Variants in CCAR1 observed in about 807,000 individuals in gnomAD.
CCAR1 encodes the protein cell division cycle and apoptosis regulator 1.
In CCAR1, 78 loss-of-function variants were observed where a neutral mutation model predicts 163.8. The ratio of observed to expected loss-of-function variants is 0.48; its 90% CI spans 0.40 to 0.57. The LOEUF (loss-of-function observed/expected upper bound fraction) is 0.57, where lower values mean the gene tolerates loss of function less well. CCAR1 is among the 20% of genes least tolerant of loss of function. The pLI is 0.00. For synonymous variants in CCAR1, 443 were observed against 460.7 expected, an observed-to-expected ratio of 0.96 and a Z score of 0.49; for missense variants, 1,019 against 1,365.2, an observed-to-expected ratio of 0.75 and a Z score of 4.00.
rs147882390 is a variant in CCAR1 at position 68,739,600 on chromosome 10, T to A, written c.292-1029T>A. Among the ~76,000 whole-genome samples the A allele has an allele frequency of 3.2e-3, 486 of 152,314 alleles. 2 individuals carry two copies. The highest frequency in any genetic ancestry group is 5.5e-3 in the Non-Finnish European group (373 of 68,028). On this transcript the variant is annotated intron_variant, in intron 4 of 24. Coordinates refer to ENST00000265872, the MANE Select transcript of CCAR1 (RefSeq NM_018237.4). ...ACCTCAGTATTTCACTAGTAATTGC[T>A]TTAAACTTCTTAAAAACTGACAAGA...
At chr10:68,745,584 C>T (rs1279523167) in intron 6 of CCAR1, among the ~76,000 whole-genome samples, 2 of 151,960 alleles carry the variant, frequency 1.3e-5, no homozygotes, top group African/African-American at 4.8e-5. Context: ...CTGCCTCAGC[C>T]TCCTGAGTAG....
chr10:68,742,589 G>C lies in CCAR1; in HGVS notation c.518+20G>C. On this transcript the variant is annotated intron_variant, in intron 6 of 24. Coordinates refer to ENST00000265872, the MANE Select transcript of CCAR1 (RefSeq NM_018237.4). ...GCTTAGGTAAACTTAATGAGGTCTT[G>C]TCACATGGCTTCTTGCATTTACCAC... The C allele has an allele frequency of 1.3e-6, 2 of 1,574,010 alleles. No homozygotes were observed. The highest frequency in any genetic ancestry group is 1.7e-6 in the Non-Finnish European group (2 of 1,145,676).
chr10:68,778,734 G>A (rs1388428662), intron 19 of CCAR1, among the ~76,000 whole-genome samples: 1 of 152,166 alleles, frequency 6.6e-6, no homozygotes, highest in African/African-American at 2.4e-5. Context: ...ATGTTGATAG[G>A]ATTATAGTTG....
rs1025182703 is a variant in CCAR1, at chr10:68,747,529, T to G, written c.789T>G (p.Thr263=). Reference sequence around the variant, plus strand: ...CTTCTATTACACCACTATTGCAGACTCAACCACAGCCCTTATTACAGCAGC... The same window carrying G: ...CTTCTATTACACCACTATTGCAGACGCAACCACAGCCCTTATTACAGCAGC... ...SAASITPLLQ[T]QPQPLLQQPQ... The change falls in exon 8 of 25, where the codon ACT becomes ACG. Residue 263 remains threonine, a synonymous_variant. Coordinates refer to ENST00000265872, the MANE Select transcript of CCAR1 (RefSeq NM_018237.4). The G allele has an allele frequency of 6.2e-7, 1 of 1,614,130 alleles. No individual in the cohort carries two copies. Among genetic ancestry groups the G allele is most frequent in the Non-Finnish European group, 8.5e-7 (1 of 1,179,996 alleles).
chr10:68,784,429 T>G (rs1275707393), intron 19 of CCAR1, among the ~76,000 whole-genome samples: 1 of 152,006 alleles, frequency 6.6e-6, no homozygotes, highest in Non-Finnish European at 1.5e-5. Flanking sequence ...GCCAGGCTGG[T>G]CTCAAACTCC....
intron 15 of CCAR1, among the ~76,000 whole-genome samples, chr10:68,759,626 A>G (rs984790193): frequency 6.6e-6 from 1 of 151,690 alleles, no homozygotes; most frequent in African/African-American, 2.4e-5. Context: ...CAGGAGCCTG[A>G]GGTGGGAGGA....
intron 4 of CCAR1, among the ~76,000 whole-genome samples, chr10:68,740,218 TAATAAC>T (rs1355943836): frequency 2.0e-5 from 3 of 152,278 alleles, no homozygotes; most frequent in East Asian, 1.9e-4. Context: ...TCCTGGGAAA[TAATAAC>T]AATAACAAAA....
intron 17 of CCAR1, among the ~76,000 whole-genome samples, chr10:68,769,789 A>G (rs1182898661): frequency 2.0e-5 from 3 of 150,844 alleles, no homozygotes; most frequent in Admixed American, 6.6e-5. Context: ...AAAATAAAAA[A>G]AATTAGCCAG....
intron 16 of CCAR1, among the ~76,000 whole-genome samples, chr10:68,761,707 A>G (rs950297695): frequency 4.0e-5 from 6 of 151,640 alleles, no homozygotes; most frequent in Non-Finnish European, 7.4e-5. Flanking sequence ...GGTTCAAGCA[A>G]TTCTCCTGCC....
intron 17 of CCAR1, among the ~76,000 whole-genome samples, chr10:68,770,145 A>T (rs994801672): frequency 2.6e-5 from 4 of 151,962 alleles, no homozygotes; most frequent in African/African-American, 9.7e-5. Flanking sequence ...CTTATCAGAG[A>T]GGCCTTGTCT....
Position 68,789,816 on chromosome 10 carries a change from G to A in CCAR1, c.3294G>A (p.Lys1098=). 6.2e-7 allele frequency: 1 copy of A among 1,608,288 alleles called. No individual in the cohort carries two copies. Among genetic ancestry groups the A allele is most frequent in the Non-Finnish European group, 8.5e-7 (1 of 1,177,474 alleles). Reference sequence around the variant, plus strand: ...TTAGTCAGTTACAAGAAAACTTAAAGATTTCGGAAAACATGAATTTACAAT... The same window carrying A: ...TTAGTCAGTTACAAGAAAACTTAAAAATTTCGGAAAACATGAATTTACAAT... ...KDLSQLQENL[K]ISENMNLQFE... Residue 1098 remains lysine, a synonymous_variant, in exon 24 of 25, where the codon AAG becomes AAA. Transcript: ENST00000265872.
At chr10:68,747,617 A>C in intron 8 of CCAR1, 51 bp downstream of exon 8, 1 of 1,498,870 alleles carries the variant, frequency 6.7e-7, no homozygotes, top group Non-Finnish European at 9.2e-7. Context: ...GTTGTTGATA[A>C]TGTAACTATG....
intron 16 of CCAR1, among the ~76,000 whole-genome samples, chr10:68,764,874 A>T (rs998909006): frequency 2.6e-5 from 4 of 152,192 alleles, no homozygotes; most frequent in African/African-American, 9.6e-5. Flanking sequence ...GCCCACTTTC[A>T]TCATCTACAG....
At chr10:68,774,232 T>TG (rs2056636168) in intron 19 of CCAR1, among the ~76,000 whole-genome samples, 1 of 152,172 alleles carries the variant, frequency 6.6e-6, no homozygotes, top group African/African-American at 2.4e-5. Context: ...CTCATTCTGT[T>TG]GCCCAGGCTG....
chr10:68,750,706 T>C (rs1223908589), intron 10 of CCAR1, among the ~76,000 whole-genome samples: 2 of 152,098 alleles, frequency 1.3e-5, no homozygotes, highest in Non-Finnish European at 2.9e-5. Flanking sequence ...GATGGAAAAA[T>C]AACAAATTGA....
chr10:68,789,924 T>G lies in CCAR1; in HGVS notation c.3393+9T>G. On this transcript the variant is annotated intron_variant, in intron 24 of 24. Transcript: ENST00000265872. ...ACACTGTTCTCAAGAAGGTGAGAAA[T>G]TTTGTACTTTTAACATTTTCTTAGT... The G allele has an allele frequency of 1.3e-6, 2 of 1,508,496 alleles. No homozygotes were observed. Among genetic ancestry groups the G allele is most frequent in the Non-Finnish European group, 1.8e-6 (2 of 1,120,328 alleles). The allele number at this position is 1,508,496 out of a possible 1,614,324, so 93.4% of individuals were successfully genotyped here.
chr10:68,734,992 T>G (rs1054643251), intron 2 of CCAR1, among the ~76,000 whole-genome samples: 4 of 152,184 alleles, frequency 2.6e-5, no homozygotes, highest in Non-Finnish European at 5.9e-5. Context: ...CAAATTATCA[T>G]TTTAAGTCAC....
chr10:68,734,718 A>G (rs2056084823), intron 2 of CCAR1, among the ~76,000 whole-genome samples: 1 of 152,090 alleles, frequency 6.6e-6, no homozygotes, highest in Admixed American at 6.6e-5. Context: ...AGTTTCCTGA[A>G]CTTAGCCTTA....
At chr10:68,728,950 C>A (rs1227598079) in intron 2 of CCAR1, among the ~76,000 whole-genome samples, 7 of 149,658 alleles carry the variant, frequency 4.7e-5, no homozygotes, top group Middle Eastern at 3.4e-3. Flanking sequence ...GGACTCCGTC[C>A]CAGAAAAAAA....
Sources: gnomAD v4.1 joint callset for allele counts (sites outside exome capture counted in the v4.1 genomes callset) on GRCh38, gnomAD v4.1.1 for gene constraint, MANE v1.5 for transcripts, NCBI Gene and HGNC (gene_info 2026-07-23, HGNC 2026-07-21) for gene names.